CAMKMT: variants seen among roughly 807,000 people sequenced by gnomAD.
CAMKMT encodes the protein CaM KMT.
A neutral mutation model predicts 48.0 loss-of-function variants in CAMKMT; 53 were observed. The ratio of observed to expected loss-of-function variants is 1.10; its 90% CI spans 0.89 to 1.39. The LOEUF (loss-of-function observed/expected upper bound fraction) is 1.39. CAMKMT is among the 40% of genes most tolerant of loss of function. The pLI is 0.00. For missense variants in CAMKMT, 428 were observed against 402.7 expected (o/e 1.06, Z -0.54); for synonymous variants, 165 against 152.3 (o/e 1.08, Z -0.61).
Position 44,754,067 on chromosome 2 carries a change from C to A in CAMKMT, c.711C>A (p.Asp237Glu). The A allele has an allele frequency of 9.3e-6, 15 of 1,613,696 alleles. No homozygotes were observed. Among genetic ancestry groups the A allele is most frequent in the Non-Finnish European group, 1.3e-5 (15 of 1,179,746 alleles). Reference sequence around the variant, plus strand: ...TTCTCAATGTCAGCCTGTTTCTGGACCAGTACAGAGCCAGCCTTGTTGATG... The same window carrying A: ...TTCTCAATGTCAGCCTGTTTCTGGAACAGTACAGAGCCAGCCTTGTTGATG... ...IVMCADCLFL[D>E]QYRASLVDAI... The change falls in exon 9 of 11, where the codon GAC becomes GAA. Residue 237 changes from aspartate to glutamate, a missense_variant. Asp to Glu is a conservative substitution (Grantham distance 45). Coordinates refer to ENST00000378494, the MANE Select transcript of CAMKMT (RefSeq NM_024766.5).
chr2:44,728,827 A>AGG (rs1308431732), intron 7 of CAMKMT, among the ~76,000 whole-genome samples: 5 of 120,896 alleles, frequency 4.1e-5, no homozygotes, highest in Non-Finnish European at 3.5e-5. Flanking sequence ...TAAGATAGCT[A>AGG]GGGGGTCTAT....
At chr2:44,445,645 G>GGTTT (rs1666939223) in intron 3 of CAMKMT, among the ~76,000 whole-genome samples, 1 of 101,408 alleles carries the variant, frequency 9.9e-6, no homozygotes, top group Non-Finnish European at 2.0e-5. Flanking sequence ...CAAAAGGGTA[G>GGTTT]TTTTTTTTTT....
At chr2:44,395,679 T>A (rs1470176463) in intron 3 of CAMKMT, among the ~76,000 whole-genome samples, 1 of 152,168 alleles carries the variant, frequency 6.6e-6, no homozygotes, top group Non-Finnish European at 1.5e-5. Context: ...TACTTTATAG[T>A]GAGGTGAACA....
chr2:44,600,260 AT>A lies in CAMKMT; in HGVS notation c.377-104012del, dbSNP rs555517210. On this transcript the variant is annotated intron_variant, in intron 3 of 10. Coordinates refer to ENST00000378494, the MANE Select transcript of CAMKMT (RefSeq NM_024766.5). ...ATACCACCACTATCATGAGACCAAGATTTTTTTTTTTATTTTTGATTTTTGT... is the reference window on the plus strand; with the variant it reads ...ATACCACCACTATCATGAGACCAAGATTTTTTTTTTATTTTTGATTTTTGT... Among the ~76,000 whole-genome samples the A allele has an allele frequency of 6.0e-3, 893 of 148,054 alleles. 16 individuals carry two copies. Among genetic ancestry groups the A allele is most frequent in the African/African-American group, 0.02 (799 of 40,360 alleles).
chr2:44,527,810 T>G (rs1173696610), intron 3 of CAMKMT, among the ~76,000 whole-genome samples: 1 of 108,606 alleles, frequency 9.2e-6, no homozygotes, highest in East Asian at 3.1e-4. Context: ...ATCAATATAC[T>G]CAATGTTTGT....
At chr2:44,595,755 C>A (rs1558732047) in intron 3 of CAMKMT, among the ~76,000 whole-genome samples, 3 of 152,242 alleles carry the variant, frequency 2.0e-5, no homozygotes, top group Middle Eastern at 6.8e-3. Flanking sequence ...GAATCATAGA[C>A]TGGATAAATG....
At chr2:44,631,543 A>G (rs919672113) in intron 3 of CAMKMT, 10 of 610,136 alleles carry the variant, frequency 1.6e-5, no homozygotes, top group Admixed American at 5.1e-5. Flanking sequence ...GACTCAAGCA[A>G]TCCTTCTGCC....
chr2:44,654,125 T>C lies in CAMKMT; in HGVS notation c.377-50158T>C, dbSNP rs1351342460. Among the ~76,000 whole-genome samples the C allele has an allele frequency of 6.6e-5, 10 of 152,292 alleles. No individual in the cohort carries two copies. The East Asian group carries it at 1.9e-3, about 29-fold the overall frequency. On this transcript the variant is annotated intron_variant, in intron 3 of 10. Coordinates refer to ENST00000378494, the MANE Select transcript of CAMKMT (RefSeq NM_024766.5). ...CTGTCACTTACCAATGAAATGTCCA[T>C]TGAACATTTTATGATCTTAGCCTAA...
chr2:44,701,531 C>T (rs1489065810), intron 3 of CAMKMT, among the ~76,000 whole-genome samples: 4 of 152,118 alleles, frequency 2.6e-5, no homozygotes, highest in Non-Finnish European at 5.9e-5. Flanking sequence ...ATATATGTAA[C>T]CTCTGACCAG....
At chr2:44,667,938 G>C (rs149285773) in intron 3 of CAMKMT, among the ~76,000 whole-genome samples, 1 of 151,920 alleles carries the variant, frequency 6.6e-6, no homozygotes, top group African/African-American at 2.4e-5. Flanking sequence ...TTTCATCCTC[G>C]ACACTCAGCC....
intron 3 of CAMKMT, among the ~76,000 whole-genome samples, chr2:44,465,065 G>C (rs1388212459): frequency 6.6e-6 from 1 of 151,956 alleles, no homozygotes; most frequent in East Asian, 1.9e-4. Flanking sequence ...ACTGAAAATA[G>C]CTAACTATAA....
At chr2:44,560,963 A>T (rs893830745) in intron 3 of CAMKMT, among the ~76,000 whole-genome samples, 11 of 152,104 alleles carry the variant, frequency 7.2e-5, no homozygotes, top group African/African-American at 2.7e-4. Flanking sequence ...TTCTTGTTCT[A>T]CCATTTTCAG....
chr2:44,728,133 C>G (rs1310179942), intron 7 of CAMKMT, among the ~76,000 whole-genome samples: 1 of 151,928 alleles, frequency 6.6e-6, no homozygotes, highest in Non-Finnish European at 1.5e-5. Context: ...ATTTTGCTGC[C>G]CAGCCTGGTC....
At chr2:44,631,336 A>G (rs1672810473) in intron 3 of CAMKMT, among the ~76,000 whole-genome samples, 2 of 152,180 alleles carry the variant, frequency 1.3e-5, no homozygotes, top group Admixed American at 6.5e-5. Context: ...AGCAAGTCAC[A>G]TGTATACATA....
intron 3 of CAMKMT, among the ~76,000 whole-genome samples, chr2:44,452,915 C>G (rs1029498607): frequency 1.3e-5 from 2 of 152,006 alleles, no homozygotes; most frequent in Non-Finnish European, 2.9e-5. Context: ...AATGGTTCGG[C>G]TGCAGGTTTT....
At chr2:44,455,697 T>C (rs1359147114) in intron 3 of CAMKMT, among the ~76,000 whole-genome samples, 1 of 152,180 alleles carries the variant, frequency 6.6e-6, no homozygotes, top group Admixed American at 6.6e-5. Context: ...ATTGTTTCTT[T>C]ATTTGCAACA....
intron 3 of CAMKMT, among the ~76,000 whole-genome samples, chr2:44,548,875 G>T (rs1003793874): frequency 6.6e-6 from 1 of 152,140 alleles, no homozygotes. Context: ...AACTCAATCT[G>T]GTTGCCACTG....
At chr2:44,760,467 CG>C (rs1274589084) in intron 9 of CAMKMT, among the ~76,000 whole-genome samples, 1 of 151,720 alleles carries the variant, frequency 6.6e-6, no homozygotes, top group Non-Finnish European at 1.5e-5. Flanking sequence ...AAAAATTAGC[CG>C]GGCATTATGG....
chr2:44,548,344 C>G (rs1284032061), intron 3 of CAMKMT, among the ~76,000 whole-genome samples: 1 of 152,162 alleles, frequency 6.6e-6, no homozygotes, highest in Non-Finnish European at 1.5e-5. Flanking sequence ...ACCCACTTAT[C>G]TCTAAGTGCT....
Sources: gnomAD v4.1 joint callset for allele counts (sites outside exome capture counted in the v4.1 genomes callset) on GRCh38, gnomAD v4.1.1 for gene constraint, MANE v1.5 for transcripts, NCBI Gene and HGNC (gene_info 2026-07-23, HGNC 2026-07-21) for gene names.